The following TLE3 variants were observed in gnomAD, a reference collection of about 807,000 sequenced individuals.
The protein encoded by TLE3 is transducin-like enhancer protein 3.
A neutral mutation model predicts 93.0 loss-of-function variants in TLE3; 14 were observed. The observed-to-expected ratio is 0.15, with a 90% CI of 0.10 to 0.24. The LOEUF is 0.24. Ranked by LOEUF, TLE3 falls within the 10% of genes least tolerant of loss-of-function variation. The pLI is 1.00. For missense variants in TLE3, 693 were observed against 1,046.6 expected (o/e 0.66, Z 4.66); for synonymous variants, 451 against 425.0 (o/e 1.06, Z -0.75).
intron 1 of TLE3, 183 bp downstream of exon 1, chr15:70,096,592 C>A (rs2058574585): frequency 1.3e-6 from 2 of 1,527,978 alleles, no homozygotes; most frequent in South Asian, 2.4e-5. Context: ...CCCCGCGCCA[C>A]TCGCGCGGAA....
chr15:70,095,312 ATTAAAGGCAC>A, intron 3 of TLE3: 1 of 1,367,280 alleles, frequency 7.3e-7, no homozygotes, highest in Non-Finnish European at 9.4e-7. Flanking sequence ...CAAAACACAA[ATTAAAGGCAC>A]ATAAAGATAG....
At chr15:70,094,127 C>A (rs2058436472) in intron 4 of TLE3, among the ~76,000 whole-genome samples, 1 of 150,500 alleles carries the variant, frequency 6.6e-6, no homozygotes, top group Non-Finnish European at 1.5e-5. Context: ...CATCACATTT[C>A]TGCAAAAAGA....
chr15:70,060,414 T>C (rs1289586536), intron 9 of TLE3, 116 bp downstream of exon 9: 14 of 1,399,340 alleles, frequency 1.0e-5, no homozygotes, highest in Non-Finnish European at 1.4e-5. Context: ...CGCCAACCTG[T>C]GCTTCTCTGA....
At chr15:70,050,376 G>A (rs62986460) in intron 19 of TLE3, 172 bp from the exon 20 acceptor site, 49 of 30,774 alleles carry the variant, frequency 1.6e-3, no homozygotes, top group Non-Finnish European at 0.011. Context: ...AAGAGGAGGT[G>A]GGGGAGGCTT....
intron 3 of TLE3, 142 bp downstream of exon 3, chr15:70,095,436 A>G (rs1246187520): frequency 6.6e-7 from 1 of 1,526,220 alleles, no homozygotes; most frequent in Non-Finnish European, 8.8e-7. Context: ...AGGGGAGGGC[A>G]AGACCAGATT....
In TLE3 at chr15:70,096,933, C is replaced by G. The variant is rs1476854075; in HGVS notation, c.-135G>C. On this transcript the variant is annotated 5_prime_UTR_variant, in exon 1 of 20. Transcript: ENST00000451782. ...GAGCTCGCCCCCGGCCCCCCCAGCT[C>G]GTTCTCGCAGCGAAATCCCAGAGTC... 9.9e-7 allele frequency: 1 copy of G among 1,015,134 alleles called. No individual in the cohort carries two copies. 62.9% of individuals were successfully genotyped at this position (1,015,134 alleles called of 1,614,324 possible). A position where few individuals can be genotyped will look rare whatever the true frequency, so the allele number is the denominator to read the frequency against.
intron 2 of TLE3, 69 bp from the exon 3 acceptor site, chr15:70,095,710 G>A: frequency 2.0e-6 from 3 of 1,523,318 alleles, no homozygotes; most frequent in East Asian, 2.5e-5. Context: ...CCGACCCAAG[G>A]GCCTCTAGAG....
chr15:70,057,222 G>A (rs974565685), intron 13 of TLE3, among the ~76,000 whole-genome samples: 2 of 152,222 alleles, frequency 1.3e-5, no homozygotes, highest in Non-Finnish European at 2.9e-5. Flanking sequence ...AGGCTGCCTT[G>A]CATGAGGTCA....
Position 70,096,775 on chromosome 15 carries a change from C to G in TLE3, c.24G>C (p.Pro8=). The G allele has an allele frequency of 6.2e-7, 1 of 1,613,234 alleles. No homozygotes were observed. Among genetic ancestry groups the G allele is most frequent in the Non-Finnish European group, 8.5e-7 (1 of 1,179,628 alleles). The part of the protein sequence containing the change: MYPQGRH[P]APHQPGQPGF... ...AATAAACCGAGTTGCAATTACTCAC[C>G]GGATGTCTGCCCTGCGGATACATGG... Residue 8 remains proline, a splice_region_variant and synonymous_variant, in exon 1 of 20, where the codon CCG becomes CCC. Coordinates refer to ENST00000451782, the MANE Select transcript of TLE3 (RefSeq NM_001105192.3).
At chr15:70,063,008 A>G (rs2056590734) in intron 8 of TLE3, among the ~76,000 whole-genome samples, 1 of 152,178 alleles carries the variant, frequency 6.6e-6, no homozygotes, top group South Asian at 2.1e-4. Flanking sequence ...AGGATGAGGT[A>G]AAGACTCATG....
In TLE3 at chr15:70,076,757, G is replaced by A. The variant is rs532548616; in HGVS notation, c.235-599C>T. On this transcript the variant is annotated intron_variant, in intron 4 of 19. Coordinates refer to ENST00000451782, the MANE Select transcript of TLE3 (RefSeq NM_001105192.3). Reference sequence around the variant, plus strand: ...TTTCCCATTAAGACAGGGTCTCACTGTCACCCAGGCTGGTGTACAGTGGTA... The same window carrying A: ...TTTCCCATTAAGACAGGGTCTCACTATCACCCAGGCTGGTGTACAGTGGTA... 5.9e-5 allele frequency among the ~76,000 whole-genome samples: 9 copies of A among 151,924 alleles called. No individual in the cohort carries two copies. The South Asian group carries it at 1.3e-3, about 21-fold the overall frequency.
Position 70,094,661 on chromosome 15 carries a change from G to C in TLE3, c.190-85C>G, listed in dbSNP as rs1054774391. 7 of 1,013,342 alleles carry C rather than the reference G, an allele frequency of 6.9e-6. No homozygotes were observed. The Admixed American group carries it at 1.6e-4, about 24-fold the overall frequency. 62.8% of individuals were successfully genotyped at this position (1,013,342 alleles called of 1,614,324 possible). A position where few individuals can be genotyped will look rare whatever the true frequency, so the allele number is the denominator to read the frequency against. The stretch of plus-strand genomic sequence containing the variant: ...TCAGTTTTTTCTTGGAAAGGTTTTG[G>C]CCAAATCATACTTTTACGATACATT... On this transcript the variant is annotated intron_variant, in intron 3 of 19. Coordinates refer to ENST00000451782, the MANE Select transcript of TLE3 (RefSeq NM_001105192.3).
At chr15:70,072,939 C>A (rs552552772) in intron 6 of TLE3, among the ~76,000 whole-genome samples, 1 of 152,224 alleles carries the variant, frequency 6.6e-6, no homozygotes, top group South Asian at 2.1e-4. Context: ...CCTTCCAGCA[C>A]TGAACACTTC....
rs182232476 is a variant in TLE3 at position 70,089,992 on chromosome 15, G to A, written c.234+4540C>T. Among the ~76,000 whole-genome samples the A allele has an allele frequency of 7.5e-3, 1,145 of 152,300 alleles. 7 individuals are homozygous for A. The highest frequency in any genetic ancestry group is 0.01 in the Non-Finnish European group (713 of 68,026). ...CCGTTGATCTGTAAAGTAAGGACAA[G>A]GGGCCATTTGCTCATCTCCCAGGGT... is the stretch of plus-strand genomic sequence containing the variant. On this transcript the variant is annotated intron_variant, in intron 4 of 19. Coordinates refer to ENST00000451782, the MANE Select transcript of TLE3 (RefSeq NM_001105192.3).
At chr15:70,060,972 C>G (rs1161940665) in intron 8 of TLE3, among the ~76,000 whole-genome samples, 1 of 152,210 alleles carries the variant, frequency 6.6e-6, no homozygotes, top group Non-Finnish European at 1.5e-5. Context: ...GCGAGGGTCA[C>G]CTGGGTCTCA....
Position 70,060,511 on chromosome 15 carries a change from C to A in TLE3, c.714+19G>T. Reference sequence around the variant, plus strand: ...TACCCAACAGAAACCCCAGTGGTGCCATGGCGCCTTGGACGTACGTATCGG... The same window carrying A: ...TACCCAACAGAAACCCCAGTGGTGCAATGGCGCCTTGGACGTACGTATCGG... On this transcript the variant is annotated intron_variant, in intron 9 of 19. Transcript: ENST00000451782. 6.2e-7 allele frequency: 1 copy of A among 1,613,280 alleles called. No homozygotes were observed. Among genetic ancestry groups the A allele is most frequent in the South Asian group, 1.1e-5 (1 of 91,040 alleles).
intron 4 of TLE3, among the ~76,000 whole-genome samples, chr15:70,084,575 T>C (rs1229607508): frequency 6.6e-6 from 1 of 152,238 alleles, no homozygotes; most frequent in Admixed American, 6.5e-5. Context: ...AGACCTCATC[T>C]TGATATAGCC....
rs1358911717 is a variant in TLE3 at position 70,095,818 on chromosome 15, A to C, written c.126-177T>G. The C allele has an allele frequency of 9.4e-6, 7 of 747,510 alleles. No individual in the cohort carries two copies. The Admixed American group carries it at 2.1e-4, about 23-fold the overall frequency. 46.3% of individuals were successfully genotyped at this position (747,510 alleles called of 1,614,324 possible). A position where few individuals can be genotyped will look rare whatever the true frequency, so the allele number is the denominator to read the frequency against. Reference sequence around the variant, plus strand: ...TTGGGTCCCCGCCGTGGGGAGGGGGATGTGAAACAATTCGAAACTTCCCGC... The same window carrying C: ...TTGGGTCCCCGCCGTGGGGAGGGGGCTGTGAAACAATTCGAAACTTCCCGC... On this transcript the variant is annotated intron_variant, in intron 2 of 19. Coordinates refer to ENST00000451782, the MANE Select transcript of TLE3 (RefSeq NM_001105192.3).
At chr15:70,086,720 T>A (rs547218925) in intron 4 of TLE3, among the ~76,000 whole-genome samples, 1 of 152,172 alleles carries the variant, frequency 6.6e-6, no homozygotes, top group Non-Finnish European at 1.5e-5. Context: ...AAAAGGCTCA[T>A]GAGATAAGGC....
Sources: gnomAD v4.1 joint callset for allele counts (sites outside exome capture counted in the v4.1 genomes callset) on GRCh38, gnomAD v4.1.1 for gene constraint, MANE v1.5 for transcripts, NCBI Gene and HGNC (gene_info 2026-07-23, HGNC 2026-07-21) for gene names.